IL1RAPL2: variants seen among roughly 807,000 people sequenced by gnomAD.
IL1RAPL2 encodes X-linked interleukin-1 receptor accessory protein-like 2.
A neutral mutation model predicts 44.1 loss-of-function variants in IL1RAPL2; 3 were observed. The observed-to-expected ratio is 0.07, with a 90% CI of 0.03 to 0.18. IL1RAPL2 has a LOEUF of 0.18. IL1RAPL2 is among the 10% of genes least tolerant of loss of function. The pLI is 1.00. For missense variants in IL1RAPL2, 391 were observed against 496.4 expected, an observed-to-expected ratio of 0.79 and a Z score of 2.02; for synonymous variants, 181 against 178.8, an observed-to-expected ratio of 1.01 and a Z score of -0.10.
At chrX:105,242,673 G>C (rs782452441) in intron 4 of IL1RAPL2, among the ~76,000 whole-genome samples, 99 of 111,090 alleles carry the variant, frequency 8.9e-4, no homozygotes, top group Non-Finnish European at 1.7e-3. Context: ...TTATATTATT[G>C]TTTGCTCAAA....
rs187552690 is a variant in IL1RAPL2, at chrX:105,332,170, A to T, written c.697+64629A>T. 1.1e-3 allele frequency among the ~76,000 whole-genome samples: 126 copies of T among 110,687 alleles called. 2 individuals are homozygous for T. Among genetic ancestry groups the T allele is most frequent in the Middle Eastern group, 9.3e-3 (2 of 215 alleles). ...ATCTCAGGGAATAGGTCCAAAAAAA[A>T]TTTTTTAACAAGTACCCTGCCACCC... On this transcript the variant is annotated intron_variant, in intron 5 of 10. Transcript: ENST00000372582.
At chrX:105,566,253 TGAGA>T (rs758936977) in intron 6 of IL1RAPL2, among the ~76,000 whole-genome samples, 1 of 110,838 alleles carries the variant, frequency 9.0e-6, no homozygotes, top group Non-Finnish European at 1.9e-5. Context: ...ACAGTGTGTG[TGAGA>T]GAGAGTCTTA....
intron 2 of IL1RAPL2, among the ~76,000 whole-genome samples, chrX:105,000,763 A>G (rs1216485160): frequency 1.8e-5 from 2 of 111,973 alleles, no homozygotes; most frequent in East Asian, 2.8e-4. Flanking sequence ...TGCTGAAAAC[A>G]TTACACTAGT....
At chrX:104,914,408 TAAAAG>T (rs1186745843) in intron 2 of IL1RAPL2, among the ~76,000 whole-genome samples, 1 of 111,657 alleles carries the variant, frequency 9.0e-6, no homozygotes, top group African/African-American at 3.3e-5. Context: ...AAGTGTCTCA[TAAAAG>T]AGAAGACTAA....
intron 1 of IL1RAPL2, among the ~76,000 whole-genome samples, chrX:104,592,145 ATGTGTGTGTGTGTGTGTGTGTGTGTGTG>A (rs35940205): frequency 5.0e-5 from 3 of 60,221 alleles, no homozygotes; most frequent in African/African-American, 1.9e-4. Flanking sequence ...ATGCCCGTAT[ATGTGTGTGTGTGTGTGTGTGTGTGTGTG>A]TGTGTGTGTG....
chrX:105,333,126 C>T (rs1326291433), intron 5 of IL1RAPL2, among the ~76,000 whole-genome samples: 1 of 111,468 alleles, frequency 9.0e-6, no homozygotes, highest in Non-Finnish European at 1.9e-5. Flanking sequence ...TACTACAGCG[C>T]TATAGTAACC....
chrX:105,422,544 T>C (rs1371395767), intron 5 of IL1RAPL2, among the ~76,000 whole-genome samples: 1 of 112,026 alleles, frequency 8.9e-6, no homozygotes, highest in Non-Finnish European at 1.9e-5. Context: ...AGAATACTCA[T>C]AAATAGCTTC....
At chrX:105,075,660 T>C (rs2032285690) in intron 2 of IL1RAPL2, among the ~76,000 whole-genome samples, 1 of 112,088 alleles carries the variant, frequency 8.9e-6, no homozygotes, top group African/African-American at 3.2e-5. Flanking sequence ...CAGCTGTGAA[T>C]CCATCTGGTC....
Position 104,644,986 on chromosome X carries a change from G to T in IL1RAPL2, c.-19-13909G>T, listed in dbSNP as rs754741734. 6.3e-5 allele frequency among the ~76,000 whole-genome samples: 7 copies of T among 111,494 alleles called. No homozygotes were observed. The South Asian group carries it at 2.7e-3, about 42-fold the overall frequency. ...ATATAAAGGACACTTTTGAGCCTCT[G>T]ACTCACTTGATCACCCAGCGTTTAA... On this transcript the variant is annotated intron_variant, in intron 1 of 10. Transcript: ENST00000372582.
intron 2 of IL1RAPL2, among the ~76,000 whole-genome samples, chrX:104,800,714 A>G (rs759122981): frequency 8.9e-6 from 1 of 112,935 alleles, no homozygotes; most frequent in Non-Finnish European, 1.9e-5. Context: ...AAAGTTGTGA[A>G]GCACTGGTTT....
rs141625923 is a variant in IL1RAPL2, at chrX:104,683,400, C to A, written c.82+24405C>A. Among the ~76,000 whole-genome samples the A allele has an allele frequency of 6.3e-3, 700 of 111,701 alleles. 3 individuals carry two copies. The highest frequency in any genetic ancestry group is 0.022 in the African/African-American group (666 of 30,741). The stretch of plus-strand genomic sequence containing the variant: ...TTCATCCAAATTGTTCTCAAATTGT[C>A]TTCTGTGCATTCCTAGGGGTTCATT... On this transcript the variant is annotated intron_variant, in intron 2 of 10. Coordinates refer to ENST00000372582, the MANE Select transcript of IL1RAPL2 (RefSeq NM_017416.2).
chrX:104,703,455 G>C (rs1931312222), intron 2 of IL1RAPL2, among the ~76,000 whole-genome samples: 2 of 111,774 alleles, frequency 1.8e-5, no homozygotes, highest in Admixed American at 1.9e-4. Context: ...TATGCAACTA[G>C]TAAATATAGT....
At chrX:105,708,317 T>G (rs2038181586) in intron 6 of IL1RAPL2, among the ~76,000 whole-genome samples, 1 of 111,711 alleles carries the variant, frequency 9.0e-6, no homozygotes, top group Admixed American at 9.5e-5. Flanking sequence ...TTAAAAACTT[T>G]CCACAGCTGT....
chrX:104,988,544 C>T (rs1435505326), intron 2 of IL1RAPL2, among the ~76,000 whole-genome samples: 1 of 111,636 alleles, frequency 9.0e-6, no homozygotes, highest in African/African-American at 3.3e-5. Context: ...TAGACTTTGC[C>T]GTCTTTTGTT....
intron 6 of IL1RAPL2, among the ~76,000 whole-genome samples, chrX:105,529,240 T>G (rs2036615527): frequency 9.0e-6 from 1 of 111,676 alleles, no homozygotes; most frequent in East Asian, 2.8e-4. Flanking sequence ...TTATTGGTTA[T>G]TCTTAGTTTG....
At chrX:105,524,440 G>T (rs1226415595) in intron 6 of IL1RAPL2, among the ~76,000 whole-genome samples, 1 of 110,379 alleles carries the variant, frequency 9.1e-6, no homozygotes, top group Non-Finnish European at 1.9e-5. Context: ...AGCTGGGGGT[G>T]CAGTTATTCT....
rs771769782 is a variant in IL1RAPL2 at position 104,620,639 on chromosome X, C to CAAAAAA, written c.-19-38230_-19-38225dup. Among the ~76,000 whole-genome samples, 86 of 14,593 alleles carry CAAAAAA rather than the reference C, an allele frequency of 5.9e-3. 19 individuals are homozygous for CAAAAAA. The highest frequency in any genetic ancestry group is 0.011 in the Admixed American group (7 of 612). 12.7% of individuals were successfully genotyped at this position (14,593 alleles called of 115,157 possible). A position where few individuals can be genotyped will look rare whatever the true frequency, so the allele number is the denominator to read the frequency against. On this transcript the variant is annotated intron_variant, in intron 1 of 10. Transcript: ENST00000372582. ...TGGGTGACAGAGCGAGAGTCTGTCT[C>CAAAAAA]AAAAAAAAAAAAAAAAAAAAAAAAA...
chrX:104,662,969 A>G, intron 2 of IL1RAPL2, among the ~76,000 whole-genome samples: 1 of 112,058 alleles, frequency 8.9e-6, no homozygotes, highest in Admixed American at 9.5e-5. Flanking sequence ...GGAAAATTGC[A>G]GAGCTACCTG....
intron 8 of IL1RAPL2, among the ~76,000 whole-genome samples, chrX:105,741,260 T>C (rs971746987): frequency 9.0e-6 from 1 of 111,480 alleles, no homozygotes; most frequent in African/African-American, 3.3e-5. Context: ...GTGGAAATTG[T>C]ATATAATGAA....
Sources: gnomAD v4.1 joint callset for allele counts (sites outside exome capture counted in the v4.1 genomes callset) on GRCh38, gnomAD v4.1.1 for gene constraint, MANE v1.5 for transcripts, NCBI Gene and HGNC (gene_info 2026-07-23, HGNC 2026-07-21) for gene names.